The following CAMTA1 variants were observed in gnomAD, a reference collection of about 807,000 sequenced individuals.
The protein encoded by CAMTA1 is calmodulin binding transcription activator 1.
In CAMTA1, 27 loss-of-function variants were observed where a neutral mutation model predicts 170.9. The ratio of observed to expected loss-of-function variants is 0.16; its 90% confidence interval spans 0.12 to 0.22. CAMTA1 has a LOEUF of 0.22. CAMTA1 is among the 10% of genes least tolerant of loss of function. CAMTA1 has a pLI of 1.00. For synonymous variants in CAMTA1, 833 were observed against 891.5 expected (o/e 0.93, Z 1.17); for missense variants, 1,619 against 2,217.2 (o/e 0.73, Z 5.42).
chr1:7,052,375 T>C (rs1706544077), intron 3 of CAMTA1, among the ~76,000 whole-genome samples: 1 of 152,138 alleles, frequency 6.6e-6, no homozygotes, highest in Non-Finnish European at 1.5e-5. Context: ...CCTGGGTCTG[T>C]TCTCTGTGGC....
At chr1:6,798,133 T>C (rs1405172368) in intron 1 of CAMTA1, among the ~76,000 whole-genome samples, 2 of 151,746 alleles carry the variant, frequency 1.3e-5, no homozygotes, top group Non-Finnish European at 2.9e-5. Flanking sequence ...GTAGCTAGGA[T>C]TACAGGTGCT....
chr1:7,208,512 G>T (rs1198693100), intron 4 of CAMTA1, among the ~76,000 whole-genome samples: 2 of 152,204 alleles, frequency 1.3e-5, no homozygotes, highest in Non-Finnish European at 2.9e-5. Flanking sequence ...TAGGGCAGGG[G>T]CTTGACTCTT....
At chr1:6,949,309 A>AT (rs1443652166) in intron 3 of CAMTA1, among the ~76,000 whole-genome samples, 1 of 152,218 alleles carries the variant, frequency 6.6e-6, no homozygotes, top group Non-Finnish European at 1.5e-5. Flanking sequence ...CAGATCCCAC[A>AT]TAGGAACTGC....
intron 4 of CAMTA1, among the ~76,000 whole-genome samples, chr1:7,193,009 A>G (rs10489141): frequency 0.1 from 15,253 of 152,090 alleles, 2,242 homozygotes; most frequent in African/African-American, 0.33. Context: ...TAAACCCCAC[A>G]TGCATCAAAA....
intron 7 of CAMTA1, among the ~76,000 whole-genome samples, chr1:7,661,036 G>A (rs553452207): frequency 3.3e-5 from 5 of 152,370 alleles, no homozygotes; most frequent in Admixed American, 3.3e-4. Context: ...CAAAAGTGCA[G>A]GGAGGAAGGT....
chr1:7,073,865 A>G (rs1638963300), intron 3 of CAMTA1, among the ~76,000 whole-genome samples: 1 of 152,206 alleles, frequency 6.6e-6, no homozygotes, highest in Non-Finnish European at 1.5e-5. Context: ...AGGGGAGTAT[A>G]AGGATGGAAT....
At chr1:7,557,552 A>T (rs1300293870) in intron 6 of CAMTA1, among the ~76,000 whole-genome samples, 2 of 152,242 alleles carry the variant, frequency 1.3e-5, no homozygotes, top group Non-Finnish European at 1.5e-5. Context: ...GCAAATGAAA[A>T]ACATAATTTT....
At chr1:7,358,347 AT>A (rs1301270669) in intron 5 of CAMTA1, among the ~76,000 whole-genome samples, 2 of 152,220 alleles carry the variant, frequency 1.3e-5, no homozygotes, top group Non-Finnish European at 2.9e-5. Flanking sequence ...AATGGACTCC[AT>A]TTATTTTACG....
chr1:6,821,808 T>C (rs1241185368), intron 2 of CAMTA1, among the ~76,000 whole-genome samples: 1 of 152,186 alleles, frequency 6.6e-6, no homozygotes, highest in Non-Finnish European at 1.5e-5. Context: ...TGAATCTCAT[T>C]TTTTTGAAAC....
chr1:7,235,353 G>A (rs759891931), intron 4 of CAMTA1, among the ~76,000 whole-genome samples: 7 of 152,142 alleles, frequency 4.6e-5, no homozygotes, highest in South Asian at 4.1e-4. Flanking sequence ...GAGGCCGGGC[G>A]CATGGCTCAC....
chr1:7,184,328 G>A (rs1032127442), intron 4 of CAMTA1, among the ~76,000 whole-genome samples: 1 of 152,270 alleles, frequency 6.6e-6, no homozygotes, highest in Admixed American at 6.5e-5. Context: ...GGTGTCTATA[G>A]TCAATAATAA....
chr1:7,683,709 G>C (rs927571344), intron 11 of CAMTA1, among the ~76,000 whole-genome samples: 1 of 152,222 alleles, frequency 6.6e-6, no homozygotes, highest in African/African-American at 2.4e-5. Flanking sequence ...CAGGAGTCAC[G>C]TCCTCTCCGA....
chr1:7,669,284 G>C (rs907742655), intron 9 of CAMTA1, among the ~76,000 whole-genome samples: 1 of 152,236 alleles, frequency 6.6e-6, no homozygotes, highest in South Asian at 2.1e-4. Context: ...AGCCCCTTCC[G>C]TGGAAGAAGT....
intron 3 of CAMTA1, among the ~76,000 whole-genome samples, chr1:6,877,059 T>G (rs1045283896): frequency 1.3e-5 from 2 of 152,162 alleles, no homozygotes; most frequent in African/African-American, 4.8e-5. Flanking sequence ...AGGACTTGCC[T>G]CCTCCTCCTC....
rs1475707091 is a variant in CAMTA1, at chr1:7,195,359, C to T, written c.303-54132C>T. Among the ~76,000 whole-genome samples, 1 of 152,194 alleles carries T rather than the reference C, an allele frequency of 6.6e-6. No individual in the cohort carries two copies. The highest frequency in any genetic ancestry group is 6.5e-5 in the Admixed American group (1 of 15,286). On this transcript the variant is annotated intron_variant, in intron 4 of 22. Coordinates refer to ENST00000303635, the MANE Select transcript of CAMTA1 (RefSeq NM_015215.4). The surrounding 1 kb of genome is among the most constrained non-coding windows in gnomAD (Gnocchi z 4.1). ...TTTTCGGAGTCCAAGTGTTGCTATA[C>T]ACATTCTCTGCTTGTCTTGGCTATT...
At chr1:6,850,358 C>G (rs946587885) in intron 3 of CAMTA1, among the ~76,000 whole-genome samples, 1 of 152,130 alleles carries the variant, frequency 6.6e-6, no homozygotes, top group South Asian at 2.1e-4. Flanking sequence ...TCTAAATGAT[C>G]TATCAAAAAA....
chr1:6,946,704 CTAG>C (rs1687630323), intron 3 of CAMTA1, among the ~76,000 whole-genome samples: 1 of 152,080 alleles, frequency 6.6e-6, no homozygotes. Context: ...TTTATATATT[CTAG>C]GTACAGATCC....
At chr1:6,791,651 T>G in intron 1 of CAMTA1, among the ~76,000 whole-genome samples, 1 of 152,218 alleles carries the variant, frequency 6.6e-6, no homozygotes, top group East Asian at 1.9e-4. Flanking sequence ...TAGTTTTTGG[T>G]GTGTTTGAGA....
rs927313072 is a variant in CAMTA1, at chr1:7,010,396, C to T, written c.235-80908C>T. Among the ~76,000 whole-genome samples the T allele has an allele frequency of 1.3e-5, 2 of 152,216 alleles. No homozygotes were observed. The highest frequency in any genetic ancestry group is 4.8e-5 in the African/African-American group (2 of 41,458). On this transcript the variant is annotated intron_variant, in intron 3 of 22. Transcript: ENST00000303635. The surrounding 1 kb of genome is among the most constrained non-coding windows in gnomAD (Gnocchi z 4.4). ...CTTTGGGCCACGGGCTGTGGCGTCA[C>T]ATCCTCCAGAGCCTTCTCTGGTCAC...
Sources: allele counts gnomAD v4.1 joint callset (sites outside exome capture counted in the v4.1 genomes callset), GRCh38; gene constraint gnomAD v4.1.1; non-coding constraint Gnocchi (gnomAD v3.1); transcripts MANE v1.5; gene names NCBI Gene and HGNC (gene_info 2026-07-23, HGNC 2026-07-21).